Variants in BORCS5 observed in about 807,000 individuals in gnomAD.
The protein encoded by BORCS5 is BLOC-1 related complex subunit 5, also known as BLOC-1-related complex subunit 5.
Under a neutral mutation model 22.1 loss-of-function variants are expected in BORCS5, and 17 were observed. The observed-to-expected ratio is 0.77, with a 90% CI of 0.53 to 1.15. The LOEUF is 1.15. Among genes scored for constraint, BORCS5 ranks in the 50% most tolerant of loss-of-function variants. The probability of loss-of-function intolerance (pLI) is 0.00; values close to 1 mark genes in which losing one functional copy is unlikely to be tolerated. For synonymous variants in BORCS5, 117 were observed against 99.8 expected (o/e 1.17, Z -1.03); for missense variants, 247 against 253.2 (o/e 0.98, Z 0.17).
intron 3 of BORCS5, among the ~76,000 whole-genome samples, chr12:12,460,536 T>C (rs767936460): frequency 2.6e-5 from 4 of 152,206 alleles, no homozygotes; most frequent in African/African-American, 4.8e-5. Context: ...ATAGAGGTGG[T>C]AAGAGTGTAG....
intron 2 of BORCS5, among the ~76,000 whole-genome samples, chr12:12,430,583 A>C (rs190821155): frequency 3.3e-5 from 5 of 152,278 alleles, no homozygotes; most frequent in African/African-American, 7.2e-5. Flanking sequence ...TTACTCATAG[A>C]TGAGGAAAAA....
intron 2 of BORCS5, among the ~76,000 whole-genome samples, chr12:12,373,518 T>C (rs1162268673): frequency 2.0e-5 from 3 of 152,226 alleles, no homozygotes; most frequent in Non-Finnish European, 4.4e-5. Context: ...TAGTTGTTTA[T>C]TATTGCATAA....
chr12:12,357,844 T>C (rs1863181701), intron 1 of BORCS5, among the ~76,000 whole-genome samples: 1 of 152,168 alleles, frequency 6.6e-6, no homozygotes, highest in African/African-American at 2.4e-5. Context: ...GCTCACACAG[T>C]GGATGGATTA....
intron 2 of BORCS5, among the ~76,000 whole-genome samples, chr12:12,401,792 T>C (rs111415829): frequency 0.02 from 3,029 of 152,066 alleles, 42 homozygotes; most frequent in South Asian, 0.032. Flanking sequence ...GGAGCGGTGG[T>C]TCACGCCTGT....
chr12:12,440,338 T>C (rs530466143), intron 3 of BORCS5, among the ~76,000 whole-genome samples: 92 of 152,310 alleles, frequency 6.0e-4, no homozygotes, highest in African/African-American at 2.1e-3. Context: ...GTTTCTTTAA[T>C]GGCGATAGGC....
intron 3 of BORCS5, among the ~76,000 whole-genome samples, chr12:12,454,830 G>A (rs1040848827): frequency 2.6e-5 from 4 of 152,138 alleles, no homozygotes; most frequent in African/African-American, 9.7e-5. Context: ...ACTGCCGTGA[G>A]GTAGGATGAA....
At chr12:12,445,659 T>C (rs563620602) in intron 3 of BORCS5, among the ~76,000 whole-genome samples, 2 of 150,402 alleles carry the variant, frequency 1.3e-5, no homozygotes, top group African/African-American at 2.4e-5. Context: ...TTACAGAGAG[T>C]GTCTTGTTCT....
intron 2 of BORCS5, among the ~76,000 whole-genome samples, chr12:12,368,538 G>A (rs531547414): frequency 9.4e-4 from 143 of 151,604 alleles, no homozygotes; most frequent in African/African-American, 3.3e-3. Flanking sequence ...TTGACCTCCC[G>A]GGCACAAATG....
At chr12:12,384,140 T>A (rs548861890) in intron 2 of BORCS5, among the ~76,000 whole-genome samples, 1 of 152,092 alleles carries the variant, frequency 6.6e-6, no homozygotes, top group Non-Finnish European at 1.5e-5. Context: ...ATTTTATGTA[T>A]GTATGTATTT....
chr12:12,436,240 C>T (rs919886445), intron 3 of BORCS5, among the ~76,000 whole-genome samples: 2 of 152,108 alleles, frequency 1.3e-5, no homozygotes, highest in African/African-American at 2.4e-5. Context: ...AGCTTTGATA[C>T]GAAAAGCTCC....
At chr12:12,435,892 T>A in intron 3 of BORCS5, 107 bp downstream of exon 3, 1 of 1,145,072 alleles carries the variant, frequency 8.7e-7, no homozygotes, top group Non-Finnish European at 1.2e-6. Context: ...TTGAGGAGAT[T>A]GCTTTTTCCC....
rs202181522 is a variant in BORCS5 at position 12,470,068 on chromosome 12, GTGTTGT to G, written c.*4303_*4308del. On this transcript the variant is annotated 3_prime_UTR_variant, in exon 4 of 4. Coordinates refer to ENST00000314565, the MANE Select transcript of BORCS5 (RefSeq NM_058169.6). ...GGCGGATGAGCAGGTGAAGCTTCAC[GTGTTGT>G]TGTTGTTGTTTATTGAGATGGAGTC... 6.6e-6 allele frequency among the ~76,000 whole-genome samples: 1 copy of G among 151,914 alleles called. No individual in the cohort carries two copies. The highest frequency in any genetic ancestry group is 1.5e-5 in the Non-Finnish European group (1 of 67,970).
At chr12:12,398,201 C>T (rs1322025544) in intron 2 of BORCS5, among the ~76,000 whole-genome samples, 2 of 151,992 alleles carry the variant, frequency 1.3e-5, no homozygotes, top group South Asian at 2.1e-4. Context: ...ACTGAGCAAA[C>T]GTTTTGGGAG....
At chr12:12,454,975 G>A (rs75604303) in intron 3 of BORCS5, among the ~76,000 whole-genome samples, 2 of 152,334 alleles carry the variant, frequency 1.3e-5, no homozygotes, top group East Asian at 3.9e-4. Flanking sequence ...AATTATTAGT[G>A]ATGTCAGGGA....
At chr12:12,449,516 C>T (rs1450787633) in intron 3 of BORCS5, among the ~76,000 whole-genome samples, 1 of 152,170 alleles carries the variant, frequency 6.6e-6, no homozygotes, top group Non-Finnish European at 1.5e-5. Flanking sequence ...CCCACTTTCC[C>T]ACCTAGACGT....
intron 2 of BORCS5, among the ~76,000 whole-genome samples, chr12:12,411,687 G>C (rs1941737947): frequency 6.6e-6 from 1 of 152,090 alleles, no homozygotes; most frequent in African/African-American, 2.4e-5. Flanking sequence ...GCCCAATTCA[G>C]TGTCATGAAA....
chr12:12,403,367 T>C (rs1165588825), intron 2 of BORCS5, among the ~76,000 whole-genome samples: 2 of 152,130 alleles, frequency 1.3e-5, no homozygotes, highest in African/African-American at 4.8e-5. Flanking sequence ...CTGTTAGAGG[T>C]CTGTTGCTTC....
chr12:12,368,759 T>A (rs1301965980), intron 2 of BORCS5, among the ~76,000 whole-genome samples: 1 of 152,114 alleles, frequency 6.6e-6, no homozygotes, highest in Non-Finnish European at 1.5e-5. Flanking sequence ...CAACTCCTTG[T>A]TCTGTTTGTC....
intron 2 of BORCS5, among the ~76,000 whole-genome samples, chr12:12,388,774 T>C (rs1218180001): frequency 6.6e-6 from 1 of 151,160 alleles, no homozygotes; most frequent in Non-Finnish European, 1.5e-5. Flanking sequence ...TCTTCTCCTT[T>C]CCTGGCAATA....
Sources: allele counts gnomAD v4.1 joint callset (sites outside exome capture counted in the v4.1 genomes callset), GRCh38; gene constraint gnomAD v4.1.1; transcripts MANE v1.5; gene names NCBI Gene and HGNC (gene_info 2026-07-23, HGNC 2026-07-21).